Variants in RAB3B observed in about 807,000 individuals in gnomAD.
RAB3B encodes ras-related protein Rab-3B.
Under a neutral mutation model 20.5 loss-of-function variants are expected in RAB3B, and 11 were observed. The ratio of observed to expected loss-of-function variants is 0.54; its 90% CI spans 0.34 to 0.89. RAB3B has a LOEUF of 0.89. Ranked by LOEUF, RAB3B falls within the 40% of genes least tolerant of loss-of-function variation. The probability of loss-of-function intolerance (pLI) is 0.02; values close to 1 mark genes in which losing one functional copy is unlikely to be tolerated. For synonymous variants in RAB3B, 99 were observed against 106.3 expected (o/e 0.93, Z 0.42); for missense variants, 225 against 280.9 (o/e 0.80, Z 1.42).
intron 2 of RAB3B, among the ~76,000 whole-genome samples, chr1:51,945,132 T>C (rs918319419): frequency 2.0e-5 from 3 of 152,188 alleles, no homozygotes; most frequent in African/African-American, 7.2e-5. Context: ...TAACACTCAC[T>C]GAAGGCTCAG....
At chr1:51,938,001 T>C (rs1376764180) in intron 2 of RAB3B, among the ~76,000 whole-genome samples, 6 of 146,420 alleles carry the variant, frequency 4.1e-5, no homozygotes, top group Non-Finnish European at 6.0e-5. Flanking sequence ...TGTTTCTTTT[T>C]TTTTTTTTTT....
At chr1:51,987,215 G>A (rs1685163571) in intron 1 of RAB3B, among the ~76,000 whole-genome samples, 1 of 152,178 alleles carries the variant, frequency 6.6e-6, no homozygotes, top group Non-Finnish European at 1.5e-5. Context: ...CTAAAATCCA[G>A]CGAGAAGAGA....
At chr1:51,981,898 T>C (rs971702882) in intron 1 of RAB3B, among the ~76,000 whole-genome samples, 2 of 152,216 alleles carry the variant, frequency 1.3e-5, no homozygotes, top group East Asian at 3.8e-4. Flanking sequence ...ACATAATACT[T>C]GATATTGATA....
chr1:51,934,750 T>G (rs1684373517), intron 3 of RAB3B, among the ~76,000 whole-genome samples: 1 of 115,540 alleles, frequency 8.7e-6, no homozygotes, highest in Non-Finnish European at 1.6e-5. Flanking sequence ...CACTCCAGCC[T>G]GGGTGACAGA....
chr1:51,985,433 T>C (rs1685139496), intron 1 of RAB3B, among the ~76,000 whole-genome samples: 1 of 152,208 alleles, frequency 6.6e-6, no homozygotes, highest in African/African-American at 2.4e-5. Context: ...AGTGTAAATG[T>C]CAGATTACTG....
In RAB3B at chr1:51,937,331, T is replaced by C. The variant is rs766479329; in HGVS notation, c.310A>G (p.Ile104Val). ...GAMGFILMYD[I>V]TNEESFNAVQ... ...GCATTGAAGGACTCTTCATTGGTGA[T>C]GTCATACATCAGAATGAAGCCCATG... The change falls in exon 3 of 5, where the codon ATC (isoleucine) becomes GTC (valine). Residue 104 changes from isoleucine to valine, a missense_variant. Ile to Val is a conservative substitution (Grantham distance 29). Transcript: ENST00000371655. 19 of 1,612,950 alleles carry C rather than the reference T, an allele frequency of 1.2e-5. No homozygotes were observed. The East Asian group carries it at 4.0e-4, about 34-fold the overall frequency.
chr1:51,926,737 G>A (rs1684248989), intron 4 of RAB3B, among the ~76,000 whole-genome samples: 2 of 152,170 alleles, frequency 1.3e-5, no homozygotes. Flanking sequence ...AGAACATTAG[G>A]ATTTTAAGTC....
intron 1 of RAB3B, among the ~76,000 whole-genome samples, chr1:51,983,892 G>T (rs946407391): frequency 1.3e-5 from 2 of 151,892 alleles, no homozygotes; most frequent in Non-Finnish European, 2.9e-5. Flanking sequence ...CCCAGGAGGC[G>T]GAGGCTGCAG....
intron 4 of RAB3B, among the ~76,000 whole-genome samples, chr1:51,925,182 C>T (rs930803700): frequency 6.6e-6 from 1 of 152,196 alleles, no homozygotes; most frequent in Non-Finnish European, 1.5e-5. Flanking sequence ...GTCTCCTCCA[C>T]GGTTCAGATC....
At chr1:51,986,227 T>C (rs1365943275) in intron 1 of RAB3B, among the ~76,000 whole-genome samples, 1 of 149,622 alleles carries the variant, frequency 6.7e-6, no homozygotes, top group Non-Finnish European at 1.5e-5. Context: ...CTCAGCTCAC[T>C]GCAAGCTCCG....
chr1:51,982,159 C>T (rs1685096472), intron 1 of RAB3B, among the ~76,000 whole-genome samples: 1 of 152,250 alleles, frequency 6.6e-6, no homozygotes, highest in Admixed American at 6.5e-5. Context: ...TATTGATGCT[C>T]CTGGACCCTG....
At position 51,920,105 on chromosome 1, in the gene RAB3B, A is replaced by T; in HGVS notation, c.482T>A (p.Phe161Tyr). 1 of 1,608,564 alleles carries T rather than the reference A, an allele frequency of 6.2e-7. No individual in the cohort carries two copies. The highest frequency in any genetic ancestry group is 1.1e-5 in the South Asian group (1 of 90,732). ...GTTCTCCTTTGCACTGGCTTCAAAGAAATCAAACCCTGGAAAGAGGAGAGA... is the reference window on the plus strand; with the variant it reads ...GTTCTCCTTTGCACTGGCTTCAAAGTAATCAAACCCTGGAAAGAGGAGAGA... ...QLLAEQLGFD[F>Y]FEASAKENIS... is the part of the protein sequence containing the mutation. Residue 161 changes from phenylalanine (F) to tyrosine (Y), a missense_variant, in exon 5 of 5, where the codon TTC becomes TAC. Phe to Tyr is a conservative substitution (Grantham distance 22). Coordinates refer to ENST00000371655, the MANE Select transcript of RAB3B (RefSeq NM_002867.4).
Position 51,976,956 on chromosome 1 carries a change from G to A in RAB3B, c.162C>T (p.Thr54=), listed in dbSNP as rs147581408. 27 of 1,614,052 alleles carry A rather than the reference G, an allele frequency of 1.7e-5. No individual in the cohort carries two copies. Among genetic ancestry groups the A allele is most frequent in the East Asian group, 1.1e-4 (5 of 44,894 alleles). ...DDTFTPAFVS[T]VGIDFKVKTV... Reference sequence around the variant, plus strand: ...TCTTCACCTTGAAGTCGATGCCCACGGTGCTAACGAAGGCTGGGGTGAACG... The same window carrying A: ...TCTTCACCTTGAAGTCGATGCCCACAGTGCTAACGAAGGCTGGGGTGAACG... Residue 54 remains threonine (T), a synonymous_variant, in exon 2 of 5, where the codon ACC becomes ACT. Coordinates refer to ENST00000371655, the MANE Select transcript of RAB3B (RefSeq NM_002867.4).
intron 2 of RAB3B, among the ~76,000 whole-genome samples, chr1:51,967,521 C>CTTTTTTTTTTTTTCTTTTTTTTTTTTTT (rs771044746): frequency 2.7e-5 from 1 of 36,496 alleles, no homozygotes; most frequent in Non-Finnish European, 5.7e-5. Flanking sequence ...TTTTCTTTTT[C>CTTTTTTTTTTTTTCTTTTTTTTTTTTTT]TTTTTTTTTT....
chr1:51,965,815 C>T (rs1684844463), intron 2 of RAB3B, among the ~76,000 whole-genome samples: 1 of 151,956 alleles, frequency 6.6e-6, no homozygotes, highest in African/African-American at 2.4e-5. Context: ...TCGTATTGTA[C>T]CAATGTCAAT....
intron 2 of RAB3B, among the ~76,000 whole-genome samples, chr1:51,966,238 C>A (rs543850388): frequency 1.3e-5 from 2 of 152,366 alleles, no homozygotes; most frequent in East Asian, 3.9e-4. Flanking sequence ...TTTGTCAAGA[C>A]CCTGCTCAAA....
intron 4 of RAB3B, among the ~76,000 whole-genome samples, chr1:51,929,435 C>A (rs1439072517): frequency 6.6e-6 from 1 of 151,958 alleles, no homozygotes; most frequent in East Asian, 1.9e-4. Context: ...TCAAAGGATT[C>A]TCCTGCTTCA....
rs1300100191 is a variant in RAB3B, at chr1:51,912,102, T to C, written c.*7825A>G. The C allele has an allele frequency of 2.6e-5, 4 of 151,324 alleles. No individual in the cohort carries two copies. The highest frequency in any genetic ancestry group is 9.7e-5 in the African/African-American group (4 of 41,138). The allele number at this position is 151,324 out of a possible 1,614,324, so 9.4% of individuals were successfully genotyped here. A position where few individuals can be genotyped will look rare whatever the true frequency, so the allele number is the denominator to read the frequency against. ...TCTTCATTTCTTTCCTTTTCTTCTTTTTTTTCTTTCTTTCTTTCTTTTTTT... is the reference window on the plus strand; with the variant it reads ...TCTTCATTTCTTTCCTTTTCTTCTTCTTTTTCTTTCTTTCTTTCTTTTTTT... On this transcript the variant is annotated 3_prime_UTR_variant, in exon 5 of 5. Transcript: ENST00000371655.
intron 2 of RAB3B, among the ~76,000 whole-genome samples, chr1:51,941,351 T>C (rs1390771145): frequency 1.3e-5 from 2 of 152,088 alleles, no homozygotes; most frequent in Middle Eastern, 3.2e-3. Flanking sequence ...TTAACGTAAT[T>C]AGATCTGAGA....
Sources: allele counts gnomAD v4.1 joint callset (sites outside exome capture counted in the v4.1 genomes callset), GRCh38; gene constraint gnomAD v4.1.1; transcripts MANE v1.5; gene names NCBI Gene and HGNC (gene_info 2026-07-23, HGNC 2026-07-21).